Variants in TTLL5 observed in about 807,000 individuals in gnomAD.
The protein encoded by TTLL5 is tubulin polyglutamylase TTLL5.
A neutral mutation model predicts 168.4 loss-of-function variants in TTLL5; 132 were observed. That is an observed-to-expected ratio of 0.78 (90% CI 0.68 to 0.91). The LOEUF (loss-of-function observed/expected upper bound fraction) is 0.91. TTLL5 is among the 40% of genes least tolerant of loss of function. TTLL5 has a pLI of 0.00. For missense variants in TTLL5, 1,545 were observed against 1,581.5 expected (o/e 0.98, Z 0.39); for synonymous variants, 546 against 558.6 (o/e 0.98, Z 0.32).
chr14:75,889,573 C>G (rs369516849), intron 30 of TTLL5, among the ~76,000 whole-genome samples: 1,883 of 152,180 alleles, frequency 0.012, 15 homozygotes, highest in South Asian at 0.025. Context: ...CACCTGTAAT[C>G]CCAGCACTTT....
chr14:75,687,437 AT>A (rs894469465), intron 5 of TTLL5, among the ~76,000 whole-genome samples: 1 of 151,518 alleles, frequency 6.6e-6, no homozygotes, highest in Non-Finnish European at 1.5e-5. Flanking sequence ...CGGCTGGCTG[AT>A]TTTTTTTGTA....
chr14:75,690,291 C>T lies in TTLL5; in HGVS notation c.471C>T (p.Phe157=). 1 of 1,609,970 alleles carries T rather than the reference C, an allele frequency of 6.2e-7. No individual in the cohort carries two copies. The highest frequency in any genetic ancestry group is 8.5e-7 in the Non-Finnish European group (1 of 1,178,302). Residue 157 remains phenylalanine, a synonymous_variant, in exon 6 of 32, where the codon TTC becomes TTT. Coordinates refer to ENST00000298832, the MANE Select transcript of TTLL5 (RefSeq NM_015072.5). ...CTTTTCACATCCTCCCCCAGACCTT[C>T]CTCCTGCCAGCTGAGTACGCGGAAT... ...FKAFHILPQT[F]LLPAEYAEFC...
At chr14:75,921,093 T>G (rs1200880198) in intron 31 of TTLL5, among the ~76,000 whole-genome samples, 1 of 152,224 alleles carries the variant, frequency 6.6e-6, no homozygotes, top group Non-Finnish European at 1.5e-5. Context: ...CCTTGTAAAT[T>G]TGTTTGTGTT....
intron 2 of TTLL5, among the ~76,000 whole-genome samples, chr14:75,666,434 A>T (rs1445379835): frequency 1.3e-5 from 2 of 152,258 alleles, no homozygotes; most frequent in Admixed American, 1.3e-4. Context: ...CTGTATGTAG[A>T]TATAGAAGCT....
In TTLL5 at chr14:75,892,625, C is replaced by T. The variant is rs188487381; in HGVS notation, c.3741-9517C>T. Reference sequence around the variant, plus strand: ...TCCTGCAAAGCGCAGAACAGTCCCTCACTACAAAGAATTATCCAGCCCAAC... The same window carrying T: ...TCCTGCAAAGCGCAGAACAGTCCCTTACTACAAAGAATTATCCAGCCCAAC... On this transcript the variant is annotated intron_variant, in intron 30 of 31. Coordinates refer to ENST00000298832, the MANE Select transcript of TTLL5 (RefSeq NM_015072.5). Among the ~76,000 whole-genome samples, 115 of 152,262 alleles carry T rather than the reference C, an allele frequency of 7.6e-4. 1 individual carries two copies. Among genetic ancestry groups the T allele is most frequent in the African/African-American group, 2.6e-3 (109 of 41,556 alleles).
intron 27 of TTLL5, 66 bp from the exon 28 acceptor site, chr14:75,819,941 T>G: frequency 6.6e-7 from 1 of 1,517,064 alleles, no homozygotes. Context: ...ATTTTGCCTA[T>G]ATGTTGTTAA....
chr14:75,903,951 A>C (rs1028762294), intron 31 of TTLL5: 14 of 311,912 alleles, frequency 4.5e-5, no homozygotes, highest in Non-Finnish European at 6.6e-5. Flanking sequence ...GGATAATTAT[A>C]TGTATCTCAT....
In TTLL5 at chr14:75,769,599, ATGAGC is replaced by A. The variant is rs570006940; in HGVS notation, c.2016-2134_2016-2130del. 2.2e-3 allele frequency among the ~76,000 whole-genome samples: 330 copies of A among 152,322 alleles called. 2 individuals carry two copies. The highest frequency in any genetic ancestry group is 7.4e-3 in the African/African-American group (306 of 41,568). The stretch of plus-strand genomic sequence containing the variant: ...AAAACAATGATTGAAGTCTCAACTT[ATGAGC>A]AATAATCCCCTTATTTAAAAGATCT... On this transcript the variant is annotated intron_variant, in intron 20 of 31. Transcript: ENST00000298832.
rs772723003 is a variant in TTLL5 at position 75,882,862 on chromosome 14, G to A, written c.3700G>A (p.Glu1234Lys). The A allele has an allele frequency of 3.0e-5, 48 of 1,613,930 alleles. No homozygotes were observed. Among genetic ancestry groups the A allele is most frequent in the Non-Finnish European group, 3.6e-5 (43 of 1,180,010 alleles). The change falls in exon 30 of 32, where the codon GAA (glutamate) becomes AAA (lysine). Residue 1234 changes from glutamate to lysine, a missense_variant. Coordinates refer to ENST00000298832, the MANE Select transcript of TTLL5 (RefSeq NM_015072.5). ...GGTTCCCAAACCCCCACCCAACCAC[G>A]AACAAGTGCTCAGAAGGGCAACATC... The part of the protein sequence containing the change: ...SLVPKPPPNH[E>K]QVLRRATSQK...
chr14:75,719,629 T>A, intron 10 of TTLL5, 106 bp from the exon 11 acceptor site: 1 of 883,804 alleles, frequency 1.1e-6, no homozygotes, highest in Non-Finnish European at 1.6e-6. Context: ...CAAAGTGAAT[T>A]AAAAAAAAAA....
At chr14:75,780,589 T>C (rs1891991272) in intron 24 of TTLL5, among the ~76,000 whole-genome samples, 1 of 152,348 alleles carries the variant, frequency 6.6e-6, no homozygotes, top group East Asian at 1.9e-4. Context: ...GTCAGTGTGC[T>C]AAGTACTAGA....
intron 31 of TTLL5, among the ~76,000 whole-genome samples, chr14:75,938,445 G>A (rs978967501): frequency 2.0e-5 from 3 of 152,318 alleles, no homozygotes; most frequent in African/African-American, 7.2e-5. Context: ...TCCCAGGATG[G>A]GAATGATCAG....
chr14:75,815,079 G>A (rs953015415), intron 27 of TTLL5, among the ~76,000 whole-genome samples: 2 of 152,176 alleles, frequency 1.3e-5, no homozygotes, highest in Admixed American at 6.5e-5. Context: ...AGTCAGCCCC[G>A]AGTTGCTTGA....
intron 8 of TTLL5, among the ~76,000 whole-genome samples, 155 bp from the exon 9 acceptor site, chr14:75,707,464 ATTAG>A (rs547836521): frequency 1.4e-4 from 22 of 152,176 alleles, no homozygotes; most frequent in Middle Eastern, 3.4e-3. Context: ...TAGTATAATT[ATTAG>A]TTATCCTCCG....
intron 18 of TTLL5, among the ~76,000 whole-genome samples, chr14:75,758,258 A>G (rs1890408845): frequency 6.6e-6 from 1 of 152,180 alleles, no homozygotes; most frequent in African/African-American, 2.4e-5. Context: ...CACAGAACTG[A>G]AAGTATACAA....
At chr14:75,830,538 G>A (rs576377479) in intron 28 of TTLL5, among the ~76,000 whole-genome samples, 13 of 152,216 alleles carry the variant, frequency 8.5e-5, no homozygotes, top group South Asian at 4.1e-4. Flanking sequence ...ACATCATGGT[G>A]TATACCATAA....
chr14:75,807,235 C>T (rs1451719663), intron 27 of TTLL5, among the ~76,000 whole-genome samples: 1 of 152,124 alleles, frequency 6.6e-6, no homozygotes, highest in African/African-American at 2.4e-5. Context: ...ATCGCTTGAG[C>T]TCGGGAGTTC....
At chr14:75,874,958 G>T (rs2031361842) in intron 29 of TTLL5, among the ~76,000 whole-genome samples, 2 of 67,658 alleles carry the variant, frequency 3.0e-5, no homozygotes, top group African/African-American at 2.3e-4. Context: ...TTTTGAGACG[G>T]AGTCTCACTC....
chr14:75,663,306 C>CTT, intron 2 of TTLL5, 83 bp downstream of exon 2: 1 of 1,302,986 alleles, frequency 7.7e-7, no homozygotes, highest in Non-Finnish European at 1.1e-6. Context: ...ACTATATACT[C>CTT]TTCTCTTTTA....
Sources: gnomAD v4.1 joint callset for allele counts (sites outside exome capture counted in the v4.1 genomes callset) on GRCh38, gnomAD v4.1.1 for gene constraint, MANE v1.5 for transcripts, NCBI Gene and HGNC (gene_info 2026-07-23, HGNC 2026-07-21) for gene names.